The following ATP8A2 variants were observed in gnomAD, a reference collection of about 807,000 sequenced individuals.
ATP8A2 encodes phospholipid-transporting ATPase IB.
ATP8A2 carries 100 observed loss-of-function variants against 165.6 expected under a neutral mutation model. The ratio of observed to expected loss-of-function variants is 0.60; its 90% CI spans 0.51 to 0.71. The LOEUF (loss-of-function observed/expected upper bound fraction) is 0.71. ATP8A2 is among the 30% of genes least tolerant of loss of function. The probability of loss-of-function intolerance (pLI) is 0.00; values close to 1 mark genes in which losing one functional copy is unlikely to be tolerated. For missense variants in ATP8A2, 1,227 were observed against 1,479.5 expected (o/e 0.83, Z 2.80); for synonymous variants, 543 against 548.8 (o/e 0.99, Z 0.15).
At chr13:25,814,828 C>T (rs183524157) in intron 27 of ATP8A2, among the ~76,000 whole-genome samples, 159 of 152,138 alleles carry the variant, frequency 1.0e-3, no homozygotes, top group Non-Finnish European at 1.5e-3. Context: ...CCAGTCTGGG[C>T]AACGTGGTGA....
intron 10 of ATP8A2, among the ~76,000 whole-genome samples, chr13:25,548,525 A>G (rs1304542681): frequency 6.6e-6 from 1 of 152,234 alleles, no homozygotes; most frequent in Non-Finnish European, 1.5e-5. Flanking sequence ...TTTATTAAGA[A>G]TGATGAGATC....
At chr13:25,589,815 G>A (rs1161832454) in intron 24 of ATP8A2, 116 bp downstream of exon 24, 8 of 629,506 alleles carry the variant, frequency 1.3e-5, no homozygotes, top group Admixed American at 5.8e-5. Flanking sequence ...TGAAAAAACT[G>A]TGTTTATTTT....
rs1394549747 is a variant in ATP8A2 at position 25,577,101 on chromosome 13, C to T, written c.1745C>T (p.Thr582Ile). 6.2e-7 allele frequency: 1 copy of T among 1,613,566 alleles called. No individual in the cohort carries two copies. The highest frequency in any genetic ancestry group is 8.5e-7 in the Non-Finnish European group (1 of 1,179,780). The part of the protein sequence containing the change: ...DRKRMSVIVR[T>I]PSGRLRLYCK... ...AAAAGAATGTCTGTAATTGTTCGAACTCCTTCAGGACGACTTCGGCTTTAC... is the reference window on the plus strand; with the variant it reads ...AAAAGAATGTCTGTAATTGTTCGAATTCCTTCAGGACGACTTCGGCTTTAC... Residue 582 changes from threonine to isoleucine, a missense_variant, in exon 20 of 37, where the codon ACT becomes ATT. Around this residue, in one of 5 missense-constraint regions of ATP8A2, gnomAD observed 592 missense variants for 785.6 expected, o/e 0.75. Transcript: ENST00000381655.
At chr13:25,839,693 AT>A (rs571388766) in intron 30 of ATP8A2, 69 bp downstream of exon 30, 282 of 1,337,438 alleles carry the variant, frequency 2.1e-4, no homozygotes, top group Middle Eastern at 3.7e-4. Context: ...TGTGTTCACA[AT>A]TTTTTTTTCC....
intron 2 of ATP8A2, among the ~76,000 whole-genome samples, chr13:25,482,877 GTGGAACTGTAA>G (rs2036247206): frequency 2.0e-5 from 3 of 152,348 alleles, no homozygotes; most frequent in South Asian, 4.1e-4. Flanking sequence ...CCCCAGCCAT[GTGGAACTGTAA>G]TTCCAATTAA....
At chr13:25,390,916 C>A (rs1451168679) in intron 1 of ATP8A2, among the ~76,000 whole-genome samples, 1 of 146,940 alleles carries the variant, frequency 6.8e-6, no homozygotes, top group African/African-American at 2.6e-5. Flanking sequence ...CAGAGCAAGA[C>A]TCCGTCTCAA....
chr13:25,762,278 A>AAAAAAAAG (rs2044397106), intron 25 of ATP8A2, among the ~76,000 whole-genome samples: 1 of 145,368 alleles, frequency 6.9e-6, no homozygotes, highest in African/African-American at 2.6e-5. Flanking sequence ...CAAAAAAAAA[A>AAAAAAAAG]AAAAAAAAAA....
chr13:25,548,373 T>A (rs183262340), intron 10 of ATP8A2, among the ~76,000 whole-genome samples: 5 of 152,290 alleles, frequency 3.3e-5, no homozygotes, highest in Admixed American at 2.6e-4. Flanking sequence ...TTGTTCCTCT[T>A]CTGTTAGATG....
At chr13:25,387,533 A>T (rs1042417287) in intron 1 of ATP8A2, among the ~76,000 whole-genome samples, 9 of 151,222 alleles carry the variant, frequency 6.0e-5, no homozygotes, top group Admixed American at 3.3e-4. Flanking sequence ...TGCCTTAGTG[A>T]CCTCACCCGT....
At chr13:25,867,333 G>A (rs954258983) in intron 33 of ATP8A2, among the ~76,000 whole-genome samples, 3 of 152,044 alleles carry the variant, frequency 2.0e-5, no homozygotes, top group Admixed American at 2.0e-4. Flanking sequence ...AGCAGGCCTA[G>A]GTATGTTCCA....
intron 24 of ATP8A2, among the ~76,000 whole-genome samples, chr13:25,623,214 C>T (rs2041017214): frequency 6.6e-6 from 1 of 152,070 alleles, no homozygotes; most frequent in African/African-American, 2.4e-5. Flanking sequence ...GAGACTTTGT[C>T]ATTACTAAAA....
intron 27 of ATP8A2, among the ~76,000 whole-genome samples, chr13:25,803,114 T>A (rs1950656291): frequency 1.3e-5 from 2 of 152,186 alleles, no homozygotes; most frequent in Admixed American, 1.3e-4. Flanking sequence ...TGAAATCACA[T>A]TGACACTCTG....
chr13:25,412,055 A>T (rs1202266640), intron 1 of ATP8A2, among the ~76,000 whole-genome samples: 3 of 152,212 alleles, frequency 2.0e-5, no homozygotes, highest in African/African-American at 7.2e-5. Context: ...TGTTGACAAT[A>T]GTCTGGATGA....
chr13:25,621,285 A>G (rs1359392115), intron 24 of ATP8A2, among the ~76,000 whole-genome samples: 2 of 152,220 alleles, frequency 1.3e-5, no homozygotes, highest in Non-Finnish European at 2.9e-5. Flanking sequence ...TAAGTGTGTT[A>G]AGTGTCAGAT....
At chr13:25,811,187 C>A (rs1184716213) in intron 27 of ATP8A2, among the ~76,000 whole-genome samples, 1 of 152,112 alleles carries the variant, frequency 6.6e-6, no homozygotes, top group Non-Finnish European at 1.5e-5. Context: ...GATGTAATCA[C>A]ATGATTTAAA....
chr13:25,663,165 C>G (rs560407014), intron 24 of ATP8A2, among the ~76,000 whole-genome samples: 27 of 152,302 alleles, frequency 1.8e-4, no homozygotes, highest in East Asian at 1.5e-3. Context: ...CATGGCAGAG[C>G]CAGGATTCAA....
At chr13:25,530,491 G>C in intron 3 of ATP8A2, 71 bp from the exon 4 acceptor site, 1 of 847,186 alleles carries the variant, frequency 1.2e-6, no homozygotes, top group Non-Finnish European at 2.0e-6. Flanking sequence ...GTACGTGACT[G>C]CCGTAATTTT....
intron 1 of ATP8A2, among the ~76,000 whole-genome samples, chr13:25,458,515 G>A (rs7988542): frequency 0.026 from 3,973 of 152,298 alleles, 168 homozygotes; most frequent in African/African-American, 0.091. Context: ...ATGCCCTGCA[G>A]AAGCCTCATG....
At chr13:25,843,767 A>T (rs770827939) in intron 30 of ATP8A2, among the ~76,000 whole-genome samples, 1 of 152,150 alleles carries the variant, frequency 6.6e-6, no homozygotes, top group Non-Finnish European at 1.5e-5. Flanking sequence ...TATCAATCAA[A>T]ACACATCTCT....
Sources: gnomAD v4.1 joint callset for allele counts (sites outside exome capture counted in the v4.1 genomes callset) on GRCh38, gnomAD v4.1.1 for gene constraint, gnomAD v4.1.1 regional missense constraint, MANE v1.5 for transcripts, NCBI Gene and HGNC (gene_info 2026-07-23, HGNC 2026-07-21) for gene names.